Variants in SLC35G5 observed in about 807,000 individuals in gnomAD.
SLC35G5 encodes acyl-malonyl condensing enzyme 1-like 2.
SLC35G5 carries 14 observed loss-of-function variants against 17.6 expected under a neutral mutation model. The observed-to-expected ratio is 0.79, with a 90% CI of 0.52 to 1.24. SLC35G5 has a LOEUF of 1.24. SLC35G5 is among the 50% of genes most tolerant of loss of function. The probability of loss-of-function intolerance (pLI) is 0.00; values close to 1 mark genes in which losing one functional copy is unlikely to be tolerated. For synonymous variants in SLC35G5, 236 were observed against 194.9 expected (o/e 1.21, Z -1.76); for missense variants, 541 against 430.3 (o/e 1.26, Z -2.28).
At position 11,331,330 on chromosome 8, in the gene SLC35G5, G is replaced by C; in HGVS notation, c.224G>C (p.Cys75Ser). 6.2e-7 allele frequency: 1 copy of C among 1,613,952 alleles called. No homozygotes were observed. Among genetic ancestry groups the C allele is most frequent in the Non-Finnish European group, 8.5e-7 (1 of 1,179,850 alleles). ...SNLPSLELLI[C>S]RCLFHLPIAL... Reference sequence around the variant, plus strand: ...CTGCCCTCGCTGGAGCTGCTCATCTGTCGATGCCTCTTCCACCTCCCTATT... The same window carrying C: ...CTGCCCTCGCTGGAGCTGCTCATCTCTCGATGCCTCTTCCACCTCCCTATT... The change falls in exon 1 of 1, where the codon TGT becomes TCT. Residue 75 changes from cysteine (C) to serine (S), a missense_variant. By Grantham distance (112) the Cys-to-Ser change is moderately radical. Transcript: ENST00000382435.
Position 11,332,131 on chromosome 8 carries a change from C to T in SLC35G5, c.*8C>T, listed in dbSNP as rs371297341. On this transcript the variant is annotated 3_prime_UTR_variant, in exon 1 of 1. Transcript: ENST00000382435. ...GGGAAGGTGGAGGAGTGAGATAGAA[C>T]TTGGGAGCCCGGGGGTTGGGAGGGA... is the stretch of plus-strand genomic sequence containing the variant. 6.2e-7 allele frequency: 1 copy of T among 1,611,252 alleles called. No individual in the cohort carries two copies. Among genetic ancestry groups the T allele is most frequent in the African/African-American group, 1.3e-5 (1 of 74,698 alleles).
Position 11,332,177 on chromosome 8 carries a change from G to T in SLC35G5, c.*54G>T. Reference sequence around the variant, plus strand: ...AGGGACAGGGATAAATAAAGACAAAGACTGAAGACAAAAAAAAAATAAAAG... The same window carrying T: ...AGGGACAGGGATAAATAAAGACAAATACTGAAGACAAAAAAAAAATAAAAG... On this transcript the variant is annotated 3_prime_UTR_variant, in exon 1 of 1. Coordinates refer to ENST00000382435, the MANE Select transcript of SLC35G5 (RefSeq NM_054028.2). 1 of 1,565,876 alleles carries T rather than the reference G, an allele frequency of 6.4e-7. No individual in the cohort carries two copies. The highest frequency in any genetic ancestry group is 8.6e-7 in the Non-Finnish European group (1 of 1,165,336).
rs182459214 is a variant in SLC35G5, at chr8:11,331,456, G to A, written c.350G>A (p.Cys117Tyr). Residue 117 changes from cysteine to tyrosine, a missense_variant, in exon 1 of 1, where the codon TGT (cysteine) becomes TAT (tyrosine). Cys to Tyr is a radical substitution (Grantham distance 194). Transcript: ENST00000382435. ...CTGCTCAACGTCCTCAGCATTGGATGTGCCTACAGTGCAGTTCAGGTGGTG... is the reference window on the plus strand; with the variant it reads ...CTGCTCAACGTCCTCAGCATTGGATATGCCTACAGTGCAGTTCAGGTGGTG... ...CALLNVLSIG[C>Y]AYSAVQVVPA... is the part of the protein sequence containing the mutation. 1.9e-5 allele frequency: 31 copies of A among 1,614,002 alleles called. No homozygotes were observed. In the East Asian group the frequency reaches 6.5e-4, roughly 34 times the overall value.
At position 11,332,316 on chromosome 8, in the gene SLC35G5, T is replaced by A; in HGVS notation, c.*193T>A. 1 of 1,019,646 alleles carries A rather than the reference T, an allele frequency of 9.8e-7. No individual in the cohort carries two copies. Among genetic ancestry groups the A allele is most frequent in the East Asian group, 2.9e-5 (1 of 34,844 alleles). 63.2% of individuals were successfully genotyped at this position (1,019,646 alleles called of 1,614,324 possible). ...AAATATCACAAAGCATGCAAACAAATGAGAAATCTGGCTTATTTACAGGAA... is the reference window on the plus strand; with the variant it reads ...AAATATCACAAAGCATGCAAACAAAAGAGAAATCTGGCTTATTTACAGGAA... On this transcript the variant is annotated 3_prime_UTR_variant, in exon 1 of 1. Transcript: ENST00000382435.
rs201491144 is a variant in SLC35G5, at chr8:11,331,436, C to G, written c.330C>G (p.Leu110=). ...IRGWACFCAL[L]NVLSIGCAYS... ...GCTGGGCCTGCTTCTGTGCCCTGCT[C>G]AACGTCCTCAGCATTGGATGTGCCT... The change falls in exon 1 of 1, where the codon CTC becomes CTG. Residue 110 remains leucine (L), a synonymous_variant. Transcript: ENST00000382435. 57 of 1,614,020 alleles carry G rather than the reference C, an allele frequency of 3.5e-5. No individual in the cohort carries two copies. The Admixed American group carries it at 4.3e-4, about 12-fold the overall frequency.
rs1229093306 is a variant in SLC35G5, at chr8:11,331,516, C to T, written c.410C>T (p.Ser137Phe). 10 of 1,613,916 alleles carry T rather than the reference C, an allele frequency of 6.2e-6. No individual in the cohort carries two copies. The highest frequency in any genetic ancestry group is 1.1e-5 in the South Asian group (1 of 91,064). Residue 137 changes from serine (S) to phenylalanine (F), a missense_variant, in exon 1 of 1, where the codon TCT becomes TTT. Coordinates refer to ENST00000382435, the MANE Select transcript of SLC35G5 (RefSeq NM_054028.2). Reference sequence around the variant, plus strand: ...AACGCTGCCACTGTTCGCAAAGGTTCTTCCACCGTATGCTCCGCTGTCCTC... The same window carrying T: ...AACGCTGCCACTGTTCGCAAAGGTTTTTCCACCGTATGCTCCGCTGTCCTC... ...AGNAATVRKG[S>F]STVCSAVLTL...
rs1430472354 is a variant in SLC35G5 at position 11,331,605 on chromosome 8, C to T, written c.499C>T (p.Leu167=). The T allele has an allele frequency of 6.2e-7, 1 of 1,613,514 alleles. No homozygotes were observed. Among genetic ancestry groups the T allele is most frequent in the African/African-American group, 1.3e-5 (1 of 74,990 alleles). ...GTGGTGTGGACTGTTGGGCAGCATC[C>T]TAGGACTAATCATCATTCTGGGACC... ...YEWCGLLGSI[L]GLIIILGPGL... The change falls in exon 1 of 1, where the codon CTA becomes TTA. Residue 167 remains leucine (L), a synonymous_variant. Transcript: ENST00000382435.
Position 11,331,832 on chromosome 8 carries a change from G to C in SLC35G5, c.726G>C (p.Gln242His). 3 of 1,611,944 alleles carry C rather than the reference G, an allele frequency of 1.9e-6. No homozygotes were observed. Among genetic ancestry groups the C allele is most frequent in the South Asian group, 1.1e-5 (1 of 90,986 alleles). The part of the protein sequence containing the change: ...LGCVPGLFVL[Q>H]TPVLPSDLLS... Reference sequence around the variant, plus strand: ...GTGTGCCAGGCCTCTTTGTGCTGCAGACCCCCGTGTTGCCCAGTGACCTCC... The same window carrying C: ...GTGTGCCAGGCCTCTTTGTGCTGCACACCCCCGTGTTGCCCAGTGACCTCC... Residue 242 changes from glutamine to histidine, a missense_variant, in exon 1 of 1, where the codon CAG becomes CAC. Coordinates refer to ENST00000382435, the MANE Select transcript of SLC35G5 (RefSeq NM_054028.2).
chr8:11,332,208 A>T lies in SLC35G5; in HGVS notation c.*85A>T. ...AGACAAAAAAAAAATAAAAGAAAAA[A>T]AATAATTATAATAAATCCTAGGAAA... On this transcript the variant is annotated 3_prime_UTR_variant, in exon 1 of 1. Transcript: ENST00000382435. 1 of 1,501,088 alleles carries T rather than the reference A, an allele frequency of 6.7e-7. No individual in the cohort carries two copies. Among genetic ancestry groups the T allele is most frequent in the Non-Finnish European group, 8.9e-7 (1 of 1,126,602 alleles). The allele number at this position is 1,501,088 out of a possible 1,614,324, so 93.0% of individuals were successfully genotyped here.
rs746750679 is a variant in SLC35G5 at position 11,331,676 on chromosome 8, C to G, written c.570C>G (p.Thr190=). The G allele has an allele frequency of 2.5e-6, 4 of 1,612,036 alleles. No homozygotes were observed. Among genetic ancestry groups the G allele is most frequent in the Non-Finnish European group, 2.5e-6 (3 of 1,179,846 alleles). Residue 190 remains threonine (T), a synonymous_variant, in exon 1 of 1, where the codon ACC becomes ACG. Transcript: ENST00000382435. ...AGGGGACCACAGGTGTCTACACCAC[C>G]CTGGGCTATGTGCAGGCTTTCCTGG... ...LQEGTTGVYT[T]LGYVQAFLGG... is the part of the protein sequence containing the mutation.
chr8:11,331,698 C>T lies in SLC35G5; in HGVS notation c.592C>T (p.Leu198=), dbSNP rs1252457287. ...YTTLGYVQAF[L]GGLALSLGLL... Reference sequence around the variant, plus strand: ...CACCCTGGGCTATGTGCAGGCTTTCCTGGGAGGCCTGGCGCTGTCCCTGGG... The same window carrying T: ...CACCCTGGGCTATGTGCAGGCTTTCTTGGGAGGCCTGGCGCTGTCCCTGGG... Residue 198 remains leucine, a synonymous_variant, in exon 1 of 1, where the codon CTG becomes TTG. Coordinates refer to ENST00000382435, the MANE Select transcript of SLC35G5 (RefSeq NM_054028.2). 1.1e-5 allele frequency: 18 copies of T among 1,611,854 alleles called. No individual in the cohort carries two copies. The highest frequency in any genetic ancestry group is 1.5e-5 in the Non-Finnish European group (18 of 1,179,822).
Position 11,331,652 on chromosome 8 carries a change from G to A in SLC35G5, c.546G>A (p.Glu182=). The change falls in exon 1 of 1, where the codon GAG becomes GAA. Residue 182 remains glutamate (E), a synonymous_variant. Coordinates refer to ENST00000382435, the MANE Select transcript of SLC35G5 (RefSeq NM_054028.2). ...GACCTGGACTCTGGACACTACAGGA[G>A]GGGACCACAGGTGTCTACACCACCC... is the stretch of plus-strand genomic sequence containing the variant. ...ILGPGLWTLQ[E]GTTGVYTTLG... 2 of 1,612,362 alleles carry A rather than the reference G, an allele frequency of 1.2e-6. No homozygotes were observed. Among genetic ancestry groups the A allele is most frequent in the Non-Finnish European group, 1.7e-6 (2 of 1,179,870 alleles).
chr8:11,331,275 C>T lies in SLC35G5; in HGVS notation c.169C>T (p.Leu57Phe). 6.2e-7 allele frequency: 1 copy of T among 1,614,014 alleles called. No individual in the cohort carries two copies. Among genetic ancestry groups the T allele is most frequent in the Non-Finnish European group, 8.5e-7 (1 of 1,179,910 alleles). ...GGLPAGFVGP[L>F]SRMAYQGSNL... ...CCTGCCTGCTGGCTTCGTGGGCCCC[C>T]TTTCTCGTATGGCTTACCAGGGTTC... The change falls in exon 1 of 1, where the codon CTT becomes TTT. Residue 57 changes from leucine to phenylalanine, a missense_variant. Transcript: ENST00000382435.
At position 11,332,144 on chromosome 8, in the gene SLC35G5, G is replaced by C; in HGVS notation, c.*21G>C. 6.2e-7 allele frequency: 1 copy of C among 1,611,560 alleles called. No homozygotes were observed. ...AGTGAGATAGAACTTGGGAGCCCGG[G>C]GGTTGGGAGGGACAGGGATAAATAA... On this transcript the variant is annotated 3_prime_UTR_variant, in exon 1 of 1. Coordinates refer to ENST00000382435, the MANE Select transcript of SLC35G5 (RefSeq NM_054028.2).
Position 11,331,018 on chromosome 8 carries a change from C to T in SLC35G5, c.-89C>T, listed in dbSNP as rs1294878908. On this transcript the variant is annotated 5_prime_UTR_variant, in exon 1 of 1. Transcript: ENST00000382435. ...TCAGGAGAGTTCCAGGGAAGAACCCCACCCGCACTCCAATGAGGTCACAAT... is the reference window on the plus strand; with the variant it reads ...TCAGGAGAGTTCCAGGGAAGAACCCTACCCGCACTCCAATGAGGTCACAAT... The T allele has an allele frequency of 2.0e-6, 3 of 1,505,572 alleles. No homozygotes were observed. Among genetic ancestry groups the T allele is most frequent in the Non-Finnish European group, 1.8e-6 (2 of 1,131,324 alleles). The allele number at this position is 1,505,572 out of a possible 1,614,324, so 93.3% of individuals were successfully genotyped here.
Position 11,331,829 on chromosome 8 carries a change from G to A in SLC35G5, c.723G>A (p.Leu241=), listed in dbSNP as rs1403532059. ...LLGCVPGLFV[L]QTPVLPSDLL... is the part of the protein sequence containing the mutation. ...GCTGTGTGCCAGGCCTCTTTGTGCT[G>A]CAGACCCCCGTGTTGCCCAGTGACC... is the stretch of plus-strand genomic sequence containing the variant. Residue 241 remains leucine, a synonymous_variant, in exon 1 of 1, where the codon CTG becomes CTA. Transcript: ENST00000382435. The A allele has an allele frequency of 1.2e-6, 2 of 1,611,960 alleles. No homozygotes were observed. The highest frequency in any genetic ancestry group is 1.7e-5 in the Admixed American group (1 of 60,008).
At position 11,332,060 on chromosome 8, in the gene SLC35G5, C is replaced by T; in HGVS notation, c.954C>T (p.Gly318=). Residue 318 remains glycine (G), a synonymous_variant, in exon 1 of 1, where the codon GGC becomes GGT. Transcript: ENST00000382435. ...SDIMGAGVVL[G]SIAIITARNL... ...TCATGGGGGCAGGGGTTGTGCTGGG[C>T]AGCATTGCCATCATTACAGCCCGGA... is the stretch of plus-strand genomic sequence containing the variant. 2 of 1,611,740 alleles carry T rather than the reference C, an allele frequency of 1.2e-6. No individual in the cohort carries two copies. Among genetic ancestry groups the T allele is most frequent in the Non-Finnish European group, 1.7e-6 (2 of 1,179,810 alleles).
Position 11,331,994 on chromosome 8 carries a change from G to A in SLC35G5, c.888G>A (p.Leu296=), listed in dbSNP as rs747070825. The A allele has an allele frequency of 6.2e-7, 1 of 1,611,926 alleles. No individual in the cohort carries two copies. The change falls in exon 1 of 1, where the codon CTG becomes CTA. Residue 296 remains leucine, a synonymous_variant. Transcript: ENST00000382435. ...CCGAGGTGGTTGTGGCCCTTATACT[G>A]CAGTATTATATGCTCCATGAGACTG... is the stretch of plus-strand genomic sequence containing the variant. ...LHSEVVVALI[L]QYYMLHETVA...
chr8:11,332,006 G>C lies in SLC35G5; in HGVS notation c.900G>C (p.Met300Ile), dbSNP rs1460387634. The C allele has an allele frequency of 1.1e-5, 18 of 1,611,922 alleles. No individual in the cohort carries two copies. Among genetic ancestry groups the C allele is most frequent in the Non-Finnish European group, 1.4e-5 (17 of 1,179,830 alleles). Reference sequence around the variant, plus strand: ...TGGCCCTTATACTGCAGTATTATATGCTCCATGAGACTGTGGCACTTTCTG... The same window carrying C: ...TGGCCCTTATACTGCAGTATTATATCCTCCATGAGACTGTGGCACTTTCTG... ...VVVALILQYY[M>I]LHETVALSDI... is the part of the protein sequence containing the mutation. The change falls in exon 1 of 1, where the codon ATG becomes ATC. Residue 300 changes from methionine to isoleucine, a missense_variant. Coordinates refer to ENST00000382435, the MANE Select transcript of SLC35G5 (RefSeq NM_054028.2).
Sources: gnomAD v4.1 joint callset for allele counts on GRCh38, gnomAD v4.1.1 for gene constraint, MANE v1.5 for transcripts, NCBI Gene and HGNC (gene_info 2026-07-23, HGNC 2026-07-21) for gene names.